Variants in ACTL8 observed in about 807,000 individuals in gnomAD.
ACTL8 encodes actin-like protein 8.
A neutral mutation model predicts 9.3 loss-of-function variants in ACTL8; 3 were observed. That is an observed-to-expected ratio of 0.32 (90% CI 0.15 to 0.83). The LOEUF (loss-of-function observed/expected upper bound fraction) is 0.83. ACTL8 is among the 40% of genes least tolerant of loss of function. The probability of loss-of-function intolerance (pLI) is 0.57; values close to 1 mark genes in which losing one functional copy is unlikely to be tolerated. For missense variants in ACTL8, 381 were observed against 492.2 expected (o/e 0.77, Z 2.14); for synonymous variants, 224 against 205.9 (o/e 1.09, Z -0.75).
At chr1:17,768,064 C>T (rs1252795207) in intron 1 of ACTL8, among the ~76,000 whole-genome samples, 2 of 151,982 alleles carry the variant, frequency 1.3e-5, no homozygotes, top group Non-Finnish European at 2.9e-5. Flanking sequence ...TGGCCAACTG[C>T]AGCAGAAAAG....
intron 1 of ACTL8, among the ~76,000 whole-genome samples, chr1:17,802,108 G>A (rs1366916250): frequency 1.3e-5 from 2 of 152,158 alleles, no homozygotes; most frequent in African/African-American, 4.8e-5. Context: ...TCTTCATTTC[G>A]TGGGAATCTA....
At chr1:17,784,459 C>T (rs1334927617) in intron 1 of ACTL8, among the ~76,000 whole-genome samples, 2 of 152,264 alleles carry the variant, frequency 1.3e-5, no homozygotes, top group South Asian at 2.1e-4. Context: ...CATTAGAAAG[C>T]GAGTTCCATT....
intron 1 of ACTL8, among the ~76,000 whole-genome samples, chr1:17,795,472 G>C (rs1276344978): frequency 6.6e-6 from 1 of 152,208 alleles, no homozygotes; most frequent in Non-Finnish European, 1.5e-5. Flanking sequence ...CAGGTGTTCT[G>C]CAAATGTAAA....
chr1:17,774,387 G>C (rs555398786), intron 1 of ACTL8, among the ~76,000 whole-genome samples: 2 of 151,958 alleles, frequency 1.3e-5, no homozygotes, highest in Non-Finnish European at 2.9e-5. Flanking sequence ...TAGGTGCTCC[G>C]TAAATATCAG....
chr1:17,764,642 C>G (rs1050816368), intron 1 of ACTL8, among the ~76,000 whole-genome samples: 3 of 152,214 alleles, frequency 2.0e-5, no homozygotes, highest in African/African-American at 7.2e-5. Context: ...GTGTCGCCCC[C>G]ACGCTGTTGA....
At chr1:17,787,367 C>A (rs1319173863) in intron 1 of ACTL8, among the ~76,000 whole-genome samples, 1 of 152,062 alleles carries the variant, frequency 6.6e-6, no homozygotes, top group Non-Finnish European at 1.5e-5. Flanking sequence ...CAGGCTCAAG[C>A]AATTCTCATG....
chr1:17,762,395 C>T (rs568335139), intron 1 of ACTL8, among the ~76,000 whole-genome samples: 1 of 152,020 alleles, frequency 6.6e-6, no homozygotes, highest in South Asian at 2.1e-4. Flanking sequence ...CAGACCAGGC[C>T]CCACCCCCTG....
intron 1 of ACTL8, among the ~76,000 whole-genome samples, chr1:17,777,442 A>G (rs1458330297): frequency 1.3e-5 from 2 of 152,080 alleles, no homozygotes. Context: ...TCTCTCGCAC[A>G]TTCCACCAGA....
At chr1:17,811,871 T>A (rs903215419) in intron 1 of ACTL8, among the ~76,000 whole-genome samples, 2 of 106,318 alleles carry the variant, frequency 1.9e-5, no homozygotes, top group Middle Eastern at 4.2e-3. Flanking sequence ...GTTTTCTGTC[T>A]TTTTTTTTTT....
Position 17,767,763 on chromosome 1 carries a change from T to C in ACTL8, c.-25+12259T>C, listed in dbSNP as rs555109442. ...ATGTCTCATTGTTGCCTTTATTTAC[T>C]TATTTCACACGAGACAATGTCCCTG... On this transcript the variant is annotated intron_variant, in intron 1 of 2. Transcript: ENST00000375406. The surrounding 1 kb of genome is among the most constrained non-coding windows in gnomAD (Gnocchi z 4.7). 6.6e-6 allele frequency among the ~76,000 whole-genome samples: 1 copy of C among 152,304 alleles called. No individual in the cohort carries two copies. Among genetic ancestry groups the C allele is most frequent in the East Asian group, 1.9e-4 (1 of 5,176 alleles).
At chr1:17,820,571 T>C (rs1474343777) in intron 1 of ACTL8, among the ~76,000 whole-genome samples, 1 of 148,690 alleles carries the variant, frequency 6.7e-6, no homozygotes, top group African/African-American at 2.5e-5. Flanking sequence ...TGTTGAACTT[T>C]TTTTTTTTTT....
At chr1:17,786,967 C>T (rs1392742400) in intron 1 of ACTL8, among the ~76,000 whole-genome samples, 1 of 152,000 alleles carries the variant, frequency 6.6e-6, no homozygotes, top group Non-Finnish European at 1.5e-5. Context: ...CTCCCAAAAC[C>T]CTGGGATGAC....
chr1:17,756,009 A>T (rs572900931), intron 1 of ACTL8, among the ~76,000 whole-genome samples: 25 of 150,862 alleles, frequency 1.7e-4, no homozygotes, highest in Middle Eastern at 3.5e-3. Flanking sequence ...GAGGACGTTT[A>T]CTCTGTCACA....
chr1:17,766,342 G>T (rs1196891267), intron 1 of ACTL8, among the ~76,000 whole-genome samples: 1 of 152,126 alleles, frequency 6.6e-6, no homozygotes, highest in Non-Finnish European at 1.5e-5. Context: ...GACTTAATCG[G>T]CAGAGAACTT....
intron 1 of ACTL8, among the ~76,000 whole-genome samples, chr1:17,800,583 C>CTTTTTTTTTTTT (rs59143238): frequency 1.4e-5 from 1 of 69,168 alleles, no homozygotes; most frequent in African/African-American, 6.5e-5. Context: ...TGGTGTCAAT[C>CTTTTTTTTTTTT]TTTTTTTTTT....
At chr1:17,825,554 C>T (rs555493782) in intron 2 of ACTL8, among the ~76,000 whole-genome samples, 5 of 152,198 alleles carry the variant, frequency 3.3e-5, no homozygotes, top group African/African-American at 4.8e-5. Context: ...TGAACAGCCA[C>T]GACCAGACAA....
chr1:17,785,785 A>G (rs138724723), intron 1 of ACTL8, among the ~76,000 whole-genome samples: 1 of 152,362 alleles, frequency 6.6e-6, no homozygotes, highest in Non-Finnish European at 1.5e-5. Flanking sequence ...TTGCATAACA[A>G]ATGACTACAG....
chr1:17,770,999 A>G (rs1461817552), intron 1 of ACTL8, among the ~76,000 whole-genome samples: 1 of 152,224 alleles, frequency 6.6e-6, no homozygotes, highest in Non-Finnish European at 1.5e-5. Flanking sequence ...CTGTAATGGG[A>G]AGATGACAGC....
chr1:17,826,375 C>G lies in ACTL8; in HGVS notation c.957C>G (p.His319Gln). ...KRLFRELMGD[H>Q]VSSTKATVWE... ...TGTTCAGGGAGCTGATGGGGGATCA[C>G]GTCTCCTCCACCAAGGCCACAGTCT... Residue 319 changes from histidine to glutamine, a missense_variant, in exon 3 of 3, where the codon CAC becomes CAG. Transcript: ENST00000375406. This position sits in a 1 kb window ranked among gnomAD's most constrained non-coding sequence, Gnocchi z 4.5. 6.2e-7 allele frequency: 1 copy of G among 1,614,116 alleles called. No individual in the cohort carries two copies. Among genetic ancestry groups the G allele is most frequent in the Non-Finnish European group, 8.5e-7 (1 of 1,180,018 alleles).
Sources: allele counts gnomAD v4.1 joint callset (sites outside exome capture counted in the v4.1 genomes callset), GRCh38; gene constraint gnomAD v4.1.1; non-coding constraint Gnocchi (gnomAD v3.1); transcripts MANE v1.5; gene names NCBI Gene and HGNC (gene_info 2026-07-23, HGNC 2026-07-21).